Variants in WWOX observed in about 807,000 individuals in gnomAD.
WWOX encodes the protein WW domain-containing oxidoreductase.
A neutral mutation model predicts 46.2 loss-of-function variants in WWOX; 69 were observed. That is an observed-to-expected ratio of 1.49 (90% CI 1.23 to 1.82). WWOX has a LOEUF of 1.82. WWOX is among the 40% of genes most tolerant of loss of function. The pLI is 0.00. For synonymous variants in WWOX, 359 were observed against 202.6 expected (o/e 1.77, Z -6.56); for missense variants, 919 against 542.6 (o/e 1.69, Z -6.89).
chr16:78,550,585 G>T (rs935367342), intron 8 of WWOX, among the ~76,000 whole-genome samples: 1 of 152,262 alleles, frequency 6.6e-6, no homozygotes, highest in East Asian at 1.9e-4. Context: ...TACTATGGAT[G>T]AATGCTCCTC....
intron 5 of WWOX, among the ~76,000 whole-genome samples, chr16:78,230,282 G>T (rs893169646): frequency 6.6e-6 from 1 of 152,178 alleles, no homozygotes; most frequent in Admixed American, 6.5e-5. Flanking sequence ...GAGAATAGCT[G>T]CAGTTATGTT....
intron 8 of WWOX, among the ~76,000 whole-genome samples, chr16:78,731,350 C>T (rs1376512021): frequency 4.6e-5 from 7 of 152,068 alleles, no homozygotes; most frequent in East Asian, 3.9e-4. Flanking sequence ...GAATGATTTC[C>T]GCACCTTTTT....
intron 8 of WWOX, chr16:79,203,700 T>A (rs182709305): frequency 6.6e-6 from 1 of 152,300 alleles, no homozygotes; most frequent in East Asian, 1.9e-4. Context: ...GTAGAGCCAT[T>A]CTGTGCAGAA....
rs578156265 is a variant in WWOX at position 79,106,045 on chromosome 16, C to G, written c.1057-105563C>G. Reference sequence around the variant, plus strand: ...TGATACCATAGTATCCCATTATATGCTTTTCAGTAATAAGTTCGAAGCCAA... The same window carrying G: ...TGATACCATAGTATCCCATTATATGGTTTTCAGTAATAAGTTCGAAGCCAA... On this transcript the variant is annotated intron_variant, in intron 8 of 8. Coordinates refer to ENST00000566780, the MANE Select transcript of WWOX (RefSeq NM_016373.4). The G allele has an allele frequency of 2.6e-5, 4 of 152,262 alleles. No homozygotes were observed. The East Asian group carries it at 7.7e-4, about 29-fold the overall frequency. The allele number at this position is 152,262 out of a possible 1,614,324, so 9.4% of individuals were successfully genotyped here.
chr16:78,497,156 G>C (rs1476692523), intron 8 of WWOX, among the ~76,000 whole-genome samples: 3 of 152,234 alleles, frequency 2.0e-5, no homozygotes, highest in East Asian at 1.9e-4. Context: ...TCATGCTTGA[G>C]AGTGGTGGTG....
rs563958526 is a variant in WWOX, at chr16:78,104,656, C to T, written c.108-3767C>T. On this transcript the variant is annotated intron_variant, in intron 1 of 8. Transcript: ENST00000566780. ...CGTTGAAAGAATAAAAAATCAAAGA[C>T]GGCTTCTATTTAAAGGAGAATAGGA... Among the ~76,000 whole-genome samples, 20 of 152,168 alleles carry T rather than the reference C, an allele frequency of 1.3e-4. No individual in the cohort carries two copies. The East Asian group carries it at 1.4e-3, about 10-fold the overall frequency.
At chr16:78,626,749 A>G (rs998948219) in intron 8 of WWOX, among the ~76,000 whole-genome samples, 3 of 152,104 alleles carry the variant, frequency 2.0e-5, no homozygotes, top group Non-Finnish European at 2.9e-5. Context: ...TGCATAAACT[A>G]CTTGGAATTC....
At chr16:78,994,154 C>A (rs2046942574) in intron 8 of WWOX, among the ~76,000 whole-genome samples, 1 of 152,138 alleles carries the variant, frequency 6.6e-6, no homozygotes, top group African/African-American at 2.4e-5. Flanking sequence ...TAATCAAAAC[C>A]CCCTTCAGAC....
At chr16:79,200,725 T>C (rs780315893) in intron 8 of WWOX, among the ~76,000 whole-genome samples, 5 of 151,894 alleles carry the variant, frequency 3.3e-5, no homozygotes, top group Non-Finnish European at 5.9e-5. Flanking sequence ...CATGAAAAAC[T>C]CTGGATGATT....
At chr16:78,181,492 T>C (rs779700121) in intron 5 of WWOX, among the ~76,000 whole-genome samples, 1 of 152,222 alleles carries the variant, frequency 6.6e-6, no homozygotes, top group Non-Finnish European at 1.5e-5. Flanking sequence ...TTGTTCCAAT[T>C]CGTGGCTTAA....
intron 5 of WWOX, among the ~76,000 whole-genome samples, chr16:78,359,007 C>T (rs1369071928): frequency 4.0e-5 from 6 of 151,696 alleles, no homozygotes; most frequent in Non-Finnish European, 5.9e-5. Context: ...GGCACAGATT[C>T]TGTTTTCCAT....
At chr16:78,176,805 G>C (rs2035362152) in intron 5 of WWOX, among the ~76,000 whole-genome samples, 2 of 152,134 alleles carry the variant, frequency 1.3e-5, no homozygotes, top group Admixed American at 1.3e-4. Context: ...GCAATAAGAA[G>C]ATAAAAATAA....
At position 78,520,876 on chromosome 16, in the gene WWOX, C is replaced by T. The variant is rs767709845; in HGVS notation, c.1056+88124C>T. Among the ~76,000 whole-genome samples the T allele has an allele frequency of 1.8e-4, 28 of 152,058 alleles. 1 individual carries two copies. The highest frequency in any genetic ancestry group is 1.1e-3 in the Admixed American group (17 of 15,266). On this transcript the variant is annotated intron_variant, in intron 8 of 8. Coordinates refer to ENST00000566780, the MANE Select transcript of WWOX (RefSeq NM_016373.4). ...TTGGTTGTATCTTATAGGCAAGAGA[C>T]GAATTTACATTTTGCCATGGTGTTA...
At chr16:79,126,995 C>CA (rs1555531496) in intron 8 of WWOX, among the ~76,000 whole-genome samples, 1 of 150,338 alleles carries the variant, frequency 6.7e-6, no homozygotes, top group East Asian at 1.9e-4. Context: ...GTGGCCACTG[C>CA]TTTTTTTTTA....
intron 5 of WWOX, among the ~76,000 whole-genome samples, chr16:78,352,269 T>G (rs1838840412): frequency 6.6e-6 from 1 of 152,228 alleles, no homozygotes; most frequent in African/African-American, 2.4e-5. Flanking sequence ...TTCCTATCTC[T>G]GCTGTAATAA....
rs144529414 is a variant in WWOX, at chr16:78,988,814, C to T, written c.1057-222794C>T. 1.8e-3 allele frequency among the ~76,000 whole-genome samples: 280 copies of T among 152,250 alleles called. 1 individual carries two copies. The highest frequency in any genetic ancestry group is 6.2e-3 in the African/African-American group (258 of 41,552). On this transcript the variant is annotated intron_variant, in intron 8 of 8. Transcript: ENST00000566780. ...CCACTCCCAGCCTGTCCTTTCTCAG[C>T]CGTGGCTTGTGTGCATCCCTGGGGC...
chr16:78,143,699 A>C (rs1231030464), intron 4 of WWOX, among the ~76,000 whole-genome samples: 21 of 149,262 alleles, frequency 1.4e-4, no homozygotes, highest in Admixed American at 1.4e-3. Flanking sequence ...TCCTCTAATA[A>C]GTTTTCAGAA....
chr16:79,023,623 G>A (rs2047578943), intron 8 of WWOX, among the ~76,000 whole-genome samples: 1 of 152,054 alleles, frequency 6.6e-6, no homozygotes, highest in South Asian at 2.1e-4. Context: ...CAACTGGGAT[G>A]AACCTCAAAC....
intron 8 of WWOX, among the ~76,000 whole-genome samples, chr16:78,927,187 G>C (rs924570264): frequency 6.6e-6 from 1 of 152,214 alleles, no homozygotes; most frequent in Admixed American, 6.5e-5. Flanking sequence ...TTTGAGGAGA[G>C]AATGAGGTAT....
Sources: gnomAD v4.1 joint callset for allele counts (sites outside exome capture counted in the v4.1 genomes callset) on GRCh38, gnomAD v4.1.1 for gene constraint, MANE v1.5 for transcripts, NCBI Gene and HGNC (gene_info 2026-07-23, HGNC 2026-07-21) for gene names.